FHIT: variants seen among roughly 807,000 people sequenced by gnomAD.
FHIT encodes bis(5'-adenosyl)-triphosphatase.
Under a neutral mutation model 17.9 loss-of-function variants are expected in FHIT, and 19 were observed. That is an observed-to-expected ratio of 1.06 (90% confidence interval 0.74 to 1.56). The LOEUF (loss-of-function observed/expected upper bound fraction) is 1.56, where lower values mean the gene tolerates loss of function less well. Among genes scored for constraint, FHIT ranks in the 40% most tolerant of loss-of-function variants. The pLI is 0.00. For synonymous variants in FHIT, 81 were observed against 69.7 expected (o/e 1.16, Z -0.81); for missense variants, 248 against 189.2 (o/e 1.31, Z -1.82).
intron 5 of FHIT, among the ~76,000 whole-genome samples, chr3:60,387,431 G>A (rs1243495935): frequency 6.6e-6 from 1 of 152,180 alleles, no homozygotes; most frequent in Non-Finnish European, 1.5e-5. Context: ...AAATGTGAGA[G>A]GACAGTGCCT....
rs1367516450 is a variant in FHIT at position 59,892,404 on chromosome 3, G to C, written c.348+29942C>G. Among the ~76,000 whole-genome samples the C allele has an allele frequency of 1.3e-5, 2 of 152,218 alleles. 1 individual carries two copies. Among genetic ancestry groups the C allele is most frequent in the Admixed American group, 1.3e-4 (2 of 15,276 alleles). Reference sequence around the variant, plus strand: ...AATAACCATCAACAAAGCATTTGGTGATTAGTCGTCTGCTTTTTTAAATAT... The same window carrying C: ...AATAACCATCAACAAAGCATTTGGTCATTAGTCGTCTGCTTTTTTAAATAT... On this transcript the variant is annotated intron_variant, in intron 8 of 9. Transcript: ENST00000492590.
intron 5 of FHIT, among the ~76,000 whole-genome samples, chr3:60,413,764 A>C (rs6791776): frequency 0.24 from 36,254 of 152,098 alleles, 4,800 homozygotes; most frequent in Non-Finnish European, 0.3. Flanking sequence ...CAATAACAAA[A>C]AAGCAAACAC....
intron 5 of FHIT, among the ~76,000 whole-genome samples, chr3:60,332,764 T>C (rs1710049510): frequency 6.6e-6 from 1 of 152,052 alleles, no homozygotes; most frequent in East Asian, 1.9e-4. Flanking sequence ...CCCCCACCAC[T>C]CCATCCCTAT....
chr3:60,014,065 C>T lies in FHIT; in HGVS notation c.191G>A (p.Arg64Lys). 1 of 1,614,068 alleles carries T rather than the reference C, an allele frequency of 6.2e-7. No homozygotes were observed. Among genetic ancestry groups the T allele is most frequent in the Non-Finnish European group, 8.5e-7 (1 of 1,179,960 alleles). Residue 64 changes from arginine (R) to lysine (K), a missense_variant, in exon 6 of 10, where the codon AGA (arginine) becomes AAA (lysine). Transcript: ENST00000492590. ...ATGTTTTTCCACCACTGTCCCGACT[C>T]TCTGGGTCGTCTGAAACAAATCGGC... ...EVADLFQTTQ[R>K]VGTVVEKHFH...
At chr3:60,712,300 C>T (rs1337159541) in intron 4 of FHIT, among the ~76,000 whole-genome samples, 9 of 152,188 alleles carry the variant, frequency 5.9e-5, no homozygotes, top group South Asian at 2.1e-4. Flanking sequence ...AAGGAACAAC[C>T]GGTACCAGCC....
rs567304811 is a variant in FHIT at position 60,368,958 on chromosome 3, C to T, written c.103+167902G>A. Among the ~76,000 whole-genome samples, 146 of 151,654 alleles carry T rather than the reference C, an allele frequency of 9.6e-4. 1 individual carries two copies. The highest frequency in any genetic ancestry group is 3.3e-3 in the African/African-American group (135 of 41,214). On this transcript the variant is annotated intron_variant, in intron 5 of 9. Transcript: ENST00000492590. Reference sequence around the variant, plus strand: ...TTAACTCCATTCAGTATATTTCAATCATGGCACTTTTCTTTTCTCTTTGTT... The same window carrying T: ...TTAACTCCATTCAGTATATTTCAATTATGGCACTTTTCTTTTCTCTTTGTT...
intron 8 of FHIT, among the ~76,000 whole-genome samples, chr3:59,887,503 CCATCCTATTATAATAA>C (rs1703677564): frequency 6.6e-6 from 1 of 152,140 alleles, no homozygotes; most frequent in African/African-American, 2.4e-5. Context: ...GCATGTCATG[CCATCCTATTATAATAA>C]CAGATTAAAA....
chr3:59,995,973 G>A (rs954317917), intron 7 of FHIT, among the ~76,000 whole-genome samples: 4 of 152,066 alleles, frequency 2.6e-5, no homozygotes, highest in African/African-American at 9.7e-5. Context: ...AACTACTATA[G>A]ATGAAGAAGA....
chr3:59,835,684 T>C (rs1454283654), intron 8 of FHIT, among the ~76,000 whole-genome samples: 2 of 152,152 alleles, frequency 1.3e-5, no homozygotes, highest in African/African-American at 4.8e-5. Flanking sequence ...AATTTAGTGC[T>C]ACGAGAATCA....
At chr3:59,753,217 GTAAGTAA>G (rs1701015859) in intron 8 of FHIT, among the ~76,000 whole-genome samples, 1 of 151,880 alleles carries the variant, frequency 6.6e-6, no homozygotes, top group African/African-American at 2.4e-5. Context: ...TGAGAACTGA[GTAAGTAA>G]TAAGTATTTC....
At chr3:60,188,999 G>A (rs904534774) in intron 5 of FHIT, among the ~76,000 whole-genome samples, 6 of 152,096 alleles carry the variant, frequency 3.9e-5, no homozygotes, top group African/African-American at 1.2e-4. Flanking sequence ...GAAATGATCT[G>A]CAGCCCGGTG....
rs371979816 is a variant in FHIT, at chr3:61,173,233, A to T, written c.-164+27384T>A. Among the ~76,000 whole-genome samples, 4 of 152,134 alleles carry T rather than the reference A, an allele frequency of 2.6e-5. No individual in the cohort carries two copies. In the East Asian group the frequency reaches 7.7e-4, roughly 29 times the overall value. ...ATCTTTCGTGTGTGGAACCATGAAC[A>T]TTTCTCTTTTTGTTATTTTCTCATT... is the stretch of plus-strand genomic sequence containing the variant. On this transcript the variant is annotated intron_variant, in intron 2 of 9. Coordinates refer to ENST00000492590, the MANE Select transcript of FHIT (RefSeq NM_002012.4).
At chr3:60,357,018 T>C (rs1324405233) in intron 5 of FHIT, among the ~76,000 whole-genome samples, 2 of 152,126 alleles carry the variant, frequency 1.3e-5, no homozygotes, top group African/African-American at 2.4e-5. Context: ...AACCACATTG[T>C]TGAGGAGAGC....
chr3:60,790,952 G>A (rs1700757415), intron 4 of FHIT, among the ~76,000 whole-genome samples: 1 of 152,176 alleles, frequency 6.6e-6, no homozygotes, highest in African/African-American at 2.4e-5. Flanking sequence ...CAGTTTTTCA[G>A]TAAAACTAAA....
chr3:60,560,503 C>T (rs537566773), intron 4 of FHIT, among the ~76,000 whole-genome samples: 19 of 152,158 alleles, frequency 1.2e-4, no homozygotes, highest in African/African-American at 1.9e-4. Context: ...AAATTTTAAA[C>T]GGCTTGGTTC....
rs185233466 is a variant in FHIT at position 59,816,906 on chromosome 3, T to G, written c.349-64585A>C. Among the ~76,000 whole-genome samples, 895 of 152,304 alleles carry G rather than the reference T, an allele frequency of 5.9e-3. 11 individuals carry two copies. Among genetic ancestry groups the G allele is most frequent in the African/African-American group, 0.02 (849 of 41,574 alleles). ...TATTCCAAATGAAGTGACTGAGACT[T>G]AAGCAAGAGACCCAGGGTGGGATGG... is the stretch of plus-strand genomic sequence containing the variant. On this transcript the variant is annotated intron_variant, in intron 8 of 9. Transcript: ENST00000492590.
At chr3:60,488,618 T>C (rs1347368227) in intron 5 of FHIT, among the ~76,000 whole-genome samples, 2 of 152,114 alleles carry the variant, frequency 1.3e-5, no homozygotes, top group Non-Finnish European at 2.9e-5. Context: ...CTCAGAGCAA[T>C]AGCTATGTAC....
At position 60,564,077 on chromosome 3, in the gene FHIT, G is replaced by A. The variant is rs182193470; in HGVS notation, c.-17-27098C>T. On this transcript the variant is annotated intron_variant, in intron 4 of 9. Transcript: ENST00000492590. The stretch of plus-strand genomic sequence containing the variant: ...GAATCTCTTGTTAGGGGCTACTGCA[G>A]ATGGTGACTTTAAGTTGAAGTCAGT... 2.0e-5 allele frequency among the ~76,000 whole-genome samples: 3 copies of A among 152,282 alleles called. No individual in the cohort carries two copies. In the East Asian group the frequency reaches 5.8e-4, roughly 29 times the overall value.
chr3:59,829,382 C>T (rs997953240), intron 8 of FHIT, among the ~76,000 whole-genome samples: 1 of 152,180 alleles, frequency 6.6e-6, no homozygotes, highest in African/African-American at 2.4e-5. Flanking sequence ...ATTCTCATAT[C>T]TCTGCACCAG....
Sources: allele counts gnomAD v4.1 joint callset (sites outside exome capture counted in the v4.1 genomes callset), GRCh38; gene constraint gnomAD v4.1.1; transcripts MANE v1.5; gene names NCBI Gene and HGNC (gene_info 2026-07-23, HGNC 2026-07-21).